ANGPT1: variants seen among roughly 807,000 people sequenced by gnomAD.
ANGPT1 encodes angiopoietin-1.
In ANGPT1, 17 loss-of-function variants were observed where a neutral mutation model predicts 62.2. The observed-to-expected ratio is 0.27, with a 90% CI of 0.19 to 0.41. The LOEUF is 0.41. Ranked by LOEUF, ANGPT1 falls within the 10% of genes least tolerant of loss-of-function variation. The pLI is 1.00. For synonymous variants in ANGPT1, 199 were observed against 198.9 expected (o/e 1.00, Z 0.00); for missense variants, 478 against 594.9 (o/e 0.80, Z 2.04).
At chr8:107,323,702 T>C (rs1815210517) in intron 3 of ANGPT1, among the ~76,000 whole-genome samples, 1 of 152,316 alleles carries the variant, frequency 6.6e-6, no homozygotes. Context: ...ATACTAGTCA[T>C]GATACCTCTC....
intron 1 of ANGPT1, among the ~76,000 whole-genome samples, chr8:107,474,765 T>G (rs1159113448): frequency 2.0e-5 from 3 of 152,070 alleles, no homozygotes; most frequent in Non-Finnish European, 4.4e-5. Context: ...TGTACAAAAA[T>G]CACAAGCATT....
chr8:107,345,803 A>T (rs1373193248), intron 2 of ANGPT1, among the ~76,000 whole-genome samples: 2 of 152,182 alleles, frequency 1.3e-5, no homozygotes, highest in Non-Finnish European at 2.9e-5. Context: ...TGTTCATCTG[A>T]TGTTGATGGG....
At chr8:107,322,499 C>G (rs1815178422) in intron 3 of ANGPT1, among the ~76,000 whole-genome samples, 1 of 151,992 alleles carries the variant, frequency 6.6e-6, no homozygotes, top group Admixed American at 6.6e-5. Context: ...CAGAATAGTT[C>G]AGGAAAAAAA....
intron 6 of ANGPT1, among the ~76,000 whole-genome samples, chr8:107,291,905 G>A (rs1454126019): frequency 9.5e-6 from 1 of 104,870 alleles, no homozygotes; most frequent in Non-Finnish European, 1.9e-5. Context: ...GGGGGGGGGG[G>A]GCTTGCCACT....
chr8:107,405,453 A>C (rs1039227494), intron 1 of ANGPT1, among the ~76,000 whole-genome samples: 1 of 152,028 alleles, frequency 6.6e-6, no homozygotes, highest in African/African-American at 2.4e-5. Context: ...CCACAAATGA[A>C]AAATTCCACA....
At position 107,346,977 on chromosome 8, in the gene ANGPT1, C is replaced by G. The variant is rs1815818221; in HGVS notation, c.418G>C (p.Glu140Gln). ...IGTSLLSQTAEQTRKLTDVET... is the reference protein window; with the variant it reads ...IGTSLLSQTAQQTRKLTDVET... ...ACATCTGTCAGCTTTCTGGTCTGCT[C>G]TGCAGTCTGAGAGAGGAGGCTGGTT... is the stretch of plus-strand genomic sequence containing the variant. The change falls in exon 2 of 9, where the codon GAG (glutamate) becomes CAG (glutamine). Residue 140 changes from glutamate to glutamine, a missense_variant. Glu to Gln is a conservative substitution (Grantham distance 29). This residue lies in a region of ANGPT1 where 343 missense variants were observed against 355.4 expected (regional missense o/e 0.97). Coordinates refer to ENST00000517746, the MANE Select transcript of ANGPT1 (RefSeq NM_001146.5). The G allele has an allele frequency of 1.2e-6, 2 of 1,613,834 alleles. No homozygotes were observed. The highest frequency in any genetic ancestry group is 4.5e-5 in the East Asian group (2 of 44,864).
intron 1 of ANGPT1, among the ~76,000 whole-genome samples, chr8:107,496,911 T>C (rs1813115483): frequency 6.6e-6 from 1 of 152,236 alleles, no homozygotes; most frequent in Admixed American, 6.5e-5. Flanking sequence ...GTCATTATTA[T>C]TTATTTTTCA....
In ANGPT1 at chr8:107,497,268, C is replaced by G; in HGVS notation, c.291G>C (p.Leu97=). Reference sequence around the variant, plus strand: ...ACTGAAAGCAATCACTTACTTTTTGCAGCCACTGAGTATAATTTTCCATCA... The same window carrying G: ...ACTGAAAGCAATCACTTACTTTTTGGAGCCACTGAGTATAATTTTCCATCA... ...EHVMENYTQW[L]QKLENYIVEN... Residue 97 remains leucine, a synonymous_variant, in exon 1 of 9, where the codon CTG becomes CTC. Coordinates refer to ENST00000517746, the MANE Select transcript of ANGPT1 (RefSeq NM_001146.5). 1 of 1,611,954 alleles carries G rather than the reference C, an allele frequency of 6.2e-7. No homozygotes were observed. Among genetic ancestry groups the G allele is most frequent in the Non-Finnish European group, 8.5e-7 (1 of 1,178,932 alleles).
intron 1 of ANGPT1, among the ~76,000 whole-genome samples, chr8:107,382,371 G>A (rs964393641): frequency 1.3e-5 from 2 of 151,942 alleles, no homozygotes; most frequent in Admixed American, 6.6e-5. Context: ...TATCCAAGTC[G>A]AGCTGCAGTG....
intron 1 of ANGPT1, among the ~76,000 whole-genome samples, chr8:107,415,098 C>T (rs1023534648): frequency 1.3e-5 from 2 of 152,098 alleles, no homozygotes; most frequent in African/African-American, 2.4e-5. Context: ...TGGGTTGCAT[C>T]ATTCAAAACC....
intron 6 of ANGPT1, among the ~76,000 whole-genome samples, chr8:107,285,233 G>A (rs1214631464): frequency 1.3e-5 from 2 of 152,148 alleles, no homozygotes; most frequent in African/African-American, 4.8e-5. Context: ...TGAACACTAT[G>A]AGAGTGATAT....
At chr8:107,363,302 G>A (rs913989597) in intron 1 of ANGPT1, among the ~76,000 whole-genome samples, 8 of 152,264 alleles carry the variant, frequency 5.3e-5, no homozygotes, top group East Asian at 3.9e-4. Flanking sequence ...CTTATACTTC[G>A]ATGTGGGTAG....
At chr8:107,400,876 G>T (rs1817034260) in intron 1 of ANGPT1, among the ~76,000 whole-genome samples, 1 of 47,354 alleles carries the variant, frequency 2.1e-5, no homozygotes, top group Admixed American at 1.9e-4. Context: ...TCTTTTTAAA[G>T]TAACTTGAAA....
At chr8:107,252,157 A>G (rs745323860) in intron 8 of ANGPT1, 142 bp from the exon 9 acceptor site, 8 of 827,178 alleles carry the variant, frequency 9.7e-6, no homozygotes, top group Non-Finnish European at 1.5e-5. Flanking sequence ...GCATCAGTAA[A>G]TATATTCCCA....
intron 1 of ANGPT1, among the ~76,000 whole-genome samples, chr8:107,491,948 G>A (rs1261728826): frequency 1.3e-5 from 2 of 152,138 alleles, no homozygotes; most frequent in Non-Finnish European, 2.9e-5. Context: ...TCATAGAAAA[G>A]GACCTACTTG....
intron 1 of ANGPT1, among the ~76,000 whole-genome samples, chr8:107,432,447 G>A (rs1230971078): frequency 1.3e-5 from 2 of 152,086 alleles, no homozygotes; most frequent in East Asian, 1.9e-4. Flanking sequence ...GGCAGATCAC[G>A]AGGTCAGGAG....
intron 4 of ANGPT1, among the ~76,000 whole-genome samples, chr8:107,313,738 T>G (rs1055037204): frequency 6.6e-6 from 1 of 151,850 alleles, no homozygotes; most frequent in African/African-American, 2.4e-5. Flanking sequence ...CCACCACGAC[T>G]GGCCAAAATG....
At chr8:107,334,831 TGTTA>T (rs1293826746) in intron 3 of ANGPT1, among the ~76,000 whole-genome samples, 1 of 152,214 alleles carries the variant, frequency 6.6e-6, no homozygotes, top group African/African-American at 2.4e-5. Flanking sequence ...TCAACAGGAT[TGTTA>T]GTTCTAGAAC....
chr8:107,402,586 A>G (rs768373554), intron 1 of ANGPT1, among the ~76,000 whole-genome samples: 1 of 152,182 alleles, frequency 6.6e-6, no homozygotes, highest in Admixed American at 6.5e-5. Context: ...TCACAGAAAC[A>G]CAATGAAGTG....
Sources: gnomAD v4.1 joint callset for allele counts (sites outside exome capture counted in the v4.1 genomes callset) on GRCh38, gnomAD v4.1.1 for gene constraint, gnomAD v4.1.1 regional missense constraint, MANE v1.5 for transcripts, NCBI Gene and HGNC (gene_info 2026-07-23, HGNC 2026-07-21) for gene names.